The following LMX1B variants were observed in gnomAD, a reference collection of about 807,000 sequenced individuals.
LMX1B encodes the protein LIM homeobox transcription factor 1 beta, also known as LIM homeobox transcription factor 1-beta.
LMX1B carries 12 observed loss-of-function variants against 51.4 expected under a neutral mutation model. The observed-to-expected ratio is 0.23, with a 90% CI of 0.15 to 0.38. The LOEUF (loss-of-function observed/expected upper bound fraction) is 0.38. Ranked by LOEUF, LMX1B falls within the 10% of genes least tolerant of loss-of-function variation. LMX1B has a pLI of 1.00. For missense variants in LMX1B, 445 were observed against 571.1 expected, an observed-to-expected ratio of 0.78 and a Z score of 2.25; for synonymous variants, 237 against 235.4, an observed-to-expected ratio of 1.01 and a Z score of -0.06.
chr9:126,615,676 C>T lies in LMX1B; in HGVS notation c.326+107C>T. On this transcript the variant is annotated intron_variant, in intron 2 of 7. Transcript: ENST00000373474. The surrounding 1 kb of genome is among the most constrained non-coding windows in gnomAD (Gnocchi z 6.0). Reference sequence around the variant, plus strand: ...GCTCTGCCGCCGGCTCTGTGCGCGGCTGGGCCGGGCAGCTCCAAGGGTTCC... The same window carrying T: ...GCTCTGCCGCCGGCTCTGTGCGCGGTTGGGCCGGGCAGCTCCAAGGGTTCC... 3.8e-6 allele frequency: 4 copies of T among 1,042,220 alleles called. No individual in the cohort carries two copies. Among genetic ancestry groups the T allele is most frequent in the Non-Finnish European group, 5.3e-6 (4 of 748,942 alleles). 64.6% of individuals were successfully genotyped at this position (1,042,220 alleles called of 1,614,324 possible).
intron 2 of LMX1B, among the ~76,000 whole-genome samples, chr9:126,685,805 C>T (rs1334179257): frequency 6.6e-6 from 1 of 152,088 alleles, no homozygotes; most frequent in African/African-American, 2.4e-5. Flanking sequence ...GTTTATTGAG[C>T]CCAGCCCTGT....
chr9:126,650,734 C>T lies in LMX1B; in HGVS notation c.326+35165C>T, dbSNP rs529761149. Among the ~76,000 whole-genome samples, 232 of 152,334 alleles carry T rather than the reference C, an allele frequency of 1.5e-3. 1 individual carries two copies. The highest frequency in any genetic ancestry group is 5.1e-3 in the African/African-American group (214 of 41,574). On this transcript the variant is annotated intron_variant, in intron 2 of 7. Coordinates refer to ENST00000373474, the MANE Select transcript of LMX1B (RefSeq NM_001174147.2). Reference sequence around the variant, plus strand: ...AGGAGCCCGCTAGGAGCCTCCAAGCCGCTGGAAGTTGTTGGCTGCAGCAAA... The same window carrying T: ...AGGAGCCCGCTAGGAGCCTCCAAGCTGCTGGAAGTTGTTGGCTGCAGCAAA...
rs926194186 is a variant in LMX1B at position 126,625,074 on chromosome 9, G to A, written c.326+9505G>A. Among the ~76,000 whole-genome samples, 2 of 152,248 alleles carry A rather than the reference G, an allele frequency of 1.3e-5. No individual in the cohort carries two copies. Among genetic ancestry groups the A allele is most frequent in the African/African-American group, 4.8e-5 (2 of 41,472 alleles). On this transcript the variant is annotated intron_variant, in intron 2 of 7. Coordinates refer to ENST00000373474, the MANE Select transcript of LMX1B (RefSeq NM_001174147.2). This position sits in a 1 kb window ranked among gnomAD's most constrained non-coding sequence, Gnocchi z 5.3. ...AAACCGCGGGGCCCTTTGTCCCACGGAGTGAACGACGGAAACTTGCCATCC... is the reference window on the plus strand; with the variant it reads ...AAACCGCGGGGCCCTTTGTCCCACGAAGTGAACGACGGAAACTTGCCATCC...
At chr9:126,663,423 C>CAA (rs58849866) in intron 2 of LMX1B, among the ~76,000 whole-genome samples, 4 of 112,776 alleles carry the variant, frequency 3.5e-5, no homozygotes, top group Middle Eastern at 4.2e-3. Flanking sequence ...GACTCTTTCT[C>CAA]AAAAAAAAAA....
At chr9:126,684,255 A>G (rs1836731814) in intron 2 of LMX1B, among the ~76,000 whole-genome samples, 1 of 152,180 alleles carries the variant, frequency 6.6e-6, no homozygotes, top group African/African-American at 2.4e-5. Flanking sequence ...AGTGCGGGGC[A>G]TACCTATAAA....
At position 126,697,261 on chromosome 9, in the gene LMX1B, C is replaced by G. The variant is rs1018163622; in HGVS notation, c.*810C>G. ...CTTGAAGCATCGGACCCAGTTGTAT[C>G]CCAGCCTGGGCCCAAATGGGGGCAG... On this transcript the variant is annotated 3_prime_UTR_variant, in exon 8 of 8. Coordinates refer to ENST00000373474, the MANE Select transcript of LMX1B (RefSeq NM_001174147.2). 6.6e-6 allele frequency: 1 copy of G among 152,116 alleles called. No homozygotes were observed. Among genetic ancestry groups the G allele is most frequent in the Non-Finnish European group, 1.5e-5 (1 of 68,120 alleles). The allele number at this position is 152,116 out of a possible 1,614,324, so 9.4% of individuals were successfully genotyped here.
intron 2 of LMX1B, among the ~76,000 whole-genome samples, chr9:126,621,092 T>G (rs1184542434): frequency 4.6e-5 from 7 of 152,066 alleles, no homozygotes; most frequent in Non-Finnish European, 8.8e-5. Context: ...GCTCTGGAGT[T>G]TCTAAAAAAT....
intron 2 of LMX1B, among the ~76,000 whole-genome samples, chr9:126,683,460 G>A (rs1836715598): frequency 6.6e-6 from 1 of 152,348 alleles, no homozygotes; most frequent in South Asian, 2.1e-4. Context: ...AGCGAGTCCG[G>A]CAGGGAGGAG....
chr9:126,637,319 T>C (rs1390730590), intron 2 of LMX1B, among the ~76,000 whole-genome samples: 2 of 152,148 alleles, frequency 1.3e-5, no homozygotes, highest in Non-Finnish European at 2.9e-5. Context: ...AGTGTGTGTG[T>C]CCCTGTGTGT....
chr9:126,680,142 C>A (rs1042086548), intron 2 of LMX1B, among the ~76,000 whole-genome samples: 2 of 152,260 alleles, frequency 1.3e-5, no homozygotes, highest in African/African-American at 4.8e-5. Context: ...ATCATCCCCC[C>A]ATAACCCTGG....
intron 2 of LMX1B, among the ~76,000 whole-genome samples, chr9:126,642,360 A>C (rs1368098827): frequency 6.6e-6 from 1 of 152,166 alleles, no homozygotes; most frequent in Non-Finnish European, 1.5e-5. Context: ...CCCTGATGCC[A>C]GGGCTTCAGG....
At position 126,700,938 on chromosome 9, in the gene LMX1B, A is replaced by T. The variant is rs550802633; in HGVS notation, c.*4487A>T. The T allele has an allele frequency of 7.2e-5, 11 of 152,362 alleles. No homozygotes were observed. In the East Asian group the frequency reaches 2.1e-3, roughly 29 times the overall value. 9.4% of individuals were successfully genotyped at this position (152,362 alleles called of 1,614,324 possible). On this transcript the variant is annotated 3_prime_UTR_variant, in exon 8 of 8. Coordinates refer to ENST00000373474, the MANE Select transcript of LMX1B (RefSeq NM_001174147.2). ...CACCCCCACCCTGCCCTCCACTCTCACCTTCCACCTCTTCCCACAACAGCA... is the reference window on the plus strand; with the variant it reads ...CACCCCCACCCTGCCCTCCACTCTCTCCTTCCACCTCTTCCCACAACAGCA...
At chr9:126,638,473 C>T (rs1170981518) in intron 2 of LMX1B, among the ~76,000 whole-genome samples, 1 of 152,238 alleles carries the variant, frequency 6.6e-6, no homozygotes, top group Non-Finnish European at 1.5e-5. Flanking sequence ...CCCGACCCCA[C>T]CCGGCCCCCC....
rs56166003 is a variant in LMX1B, at chr9:126,671,001, G to C, written c.327-19835G>C. Among the ~76,000 whole-genome samples, 13,553 of 152,226 alleles carry C rather than the reference G, an allele frequency of 0.089. 748 individuals carry two copies. Among genetic ancestry groups the C allele is most frequent in the South Asian group, 0.18 (843 of 4,816 alleles). On this transcript the variant is annotated intron_variant, in intron 2 of 7. Coordinates refer to ENST00000373474, the MANE Select transcript of LMX1B (RefSeq NM_001174147.2). The surrounding 1 kb of genome is among the most constrained non-coding windows in gnomAD (Gnocchi z 4.4). ...ACCTCCCACGCTAGCTGCCACCACTGTGGTTGTCTGGAGGGGAGTGCAGGA... is the reference window on the plus strand; with the variant it reads ...ACCTCCCACGCTAGCTGCCACCACTCTGGTTGTCTGGAGGGGAGTGCAGGA...
chr9:126,637,530 G>A (rs1398474568), intron 2 of LMX1B, among the ~76,000 whole-genome samples: 1 of 152,114 alleles, frequency 6.6e-6, no homozygotes, highest in Non-Finnish European at 1.5e-5. Flanking sequence ...TCATCCTGAG[G>A]ATGCTGTGTG....
chr9:126,695,743 C>A lies in LMX1B; in HGVS notation c.887-96C>A. The A allele has an allele frequency of 7.0e-7, 1 of 1,437,442 alleles. No homozygotes were observed. Among genetic ancestry groups the A allele is most frequent in the Non-Finnish European group, 9.6e-7 (1 of 1,038,382 alleles). The allele number at this position is 1,437,442 out of a possible 1,614,324, so 89.0% of individuals were successfully genotyped here. A position where few individuals can be genotyped will look rare whatever the true frequency, so the allele number is the denominator to read the frequency against. ...GACAGCTTCAGCCAGAGTGGGGTGC[C>A]TGGGGAGTCCCAAGGAGATCAGAAG... On this transcript the variant is annotated intron_variant, in intron 6 of 7. Transcript: ENST00000373474. This position sits in a 1 kb window ranked among gnomAD's most constrained non-coding sequence, Gnocchi z 5.2.
chr9:126,690,826 G>C lies in LMX1B; in HGVS notation c.327-10G>C. ...AGCACCGCCAACACGCCCGCTTTGT[G>C]CATCCGCAGGCTCTTCGCGGCCAAG... is the stretch of plus-strand genomic sequence containing the variant. On this transcript the variant is annotated splice_polypyrimidine_tract_variant and intron_variant, in intron 2 of 7. Coordinates refer to ENST00000373474, the MANE Select transcript of LMX1B (RefSeq NM_001174147.2). 6.2e-7 allele frequency: 1 copy of C among 1,601,084 alleles called. No homozygotes were observed.
At chr9:126,678,321 ACAAAAAAC>A (rs1564164410) in intron 2 of LMX1B, among the ~76,000 whole-genome samples, 2 of 129,806 alleles carry the variant, frequency 1.5e-5, no homozygotes, top group Admixed American at 7.2e-5. Flanking sequence ...AAAAAAAAAA[ACAAAAAAC>A]AAAAAAAAAA....
At chr9:126,633,870 C>G (rs935354726) in intron 2 of LMX1B, among the ~76,000 whole-genome samples, 1 of 152,184 alleles carries the variant, frequency 6.6e-6, no homozygotes, top group Non-Finnish European at 1.5e-5. Flanking sequence ...GTTATTATCC[C>G]CATTTCAGCG....
Sources: gnomAD v4.1 joint callset for allele counts (sites outside exome capture counted in the v4.1 genomes callset) on GRCh38, gnomAD v4.1.1 for gene constraint, Gnocchi (gnomAD v3.1) non-coding constraint, MANE v1.5 for transcripts, NCBI Gene and HGNC (gene_info 2026-07-23, HGNC 2026-07-21) for gene names.